NECAB1: variants seen among roughly 807,000 people sequenced by gnomAD.
NECAB1 encodes N-terminal EF-hand calcium-binding protein 1.
NECAB1 carries 29 observed loss-of-function variants against 57.5 expected under a neutral mutation model. The observed-to-expected ratio is 0.50, with a 90% CI of 0.38 to 0.69. The LOEUF (loss-of-function observed/expected upper bound fraction) is 0.69. Ranked by LOEUF, NECAB1 falls within the 30% of genes least tolerant of loss-of-function variation. The probability of loss-of-function intolerance (pLI) is 0.00; values close to 1 mark genes in which losing one functional copy is unlikely to be tolerated. For synonymous variants in NECAB1, 142 were observed against 147.7 expected (o/e 0.96, Z 0.28); for missense variants, 372 against 413.8 (o/e 0.90, Z 0.88).
At chr8:90,804,485 A>C (rs7825241) in intron 2 of NECAB1, among the ~76,000 whole-genome samples, 11,151 of 150,954 alleles carry the variant, frequency 0.074, 1,340 homozygotes, top group African/African-American at 0.25. Flanking sequence ...AGTTCTGTAC[A>C]TTTTAGTACC....
At chr8:90,925,698 T>A (rs980684290) in intron 7 of NECAB1, 42 bp downstream of exon 7, 8 of 1,607,302 alleles carry the variant, frequency 5.0e-6, no homozygotes, top group Non-Finnish European at 6.8e-6. Flanking sequence ...AAAGTCTATT[T>A]ATCTTGCGTT....
intron 4 of NECAB1, among the ~76,000 whole-genome samples, chr8:90,879,053 ATATATATCTTATATATAATATATAT>A (rs1463549211): frequency 7.0e-6 from 1 of 142,194 alleles, no homozygotes; most frequent in East Asian, 2.0e-4. Context: ...TATTTATATA[ATATATATCTTATATATAATATATAT>A]TATATATATT....
intron 1 of NECAB1, among the ~76,000 whole-genome samples, chr8:90,794,784 T>A (rs1292412800): frequency 3.3e-5 from 5 of 152,208 alleles, no homozygotes; most frequent in Non-Finnish European, 7.3e-5. Flanking sequence ...GTTATTTCAG[T>A]GCTGCACACT....
At chr8:90,925,092 A>G (rs2339289) in intron 6 of NECAB1, among the ~76,000 whole-genome samples, 44,587 of 151,860 alleles carry the variant, frequency 0.29, 7,247 homozygotes, top group East Asian at 0.61. Context: ...TGGGGGTGAA[A>G]CGAGGGAGCT....
chr8:90,925,417 A>T, intron 6 of NECAB1, 118 bp from the exon 7 acceptor site: 1 of 1,143,832 alleles, frequency 8.7e-7, no homozygotes, highest in South Asian at 1.6e-5. Flanking sequence ...AGTCATTCTC[A>T]TAAGTTTTCA....
chr8:90,878,031 A>G (rs555514152), intron 4 of NECAB1, among the ~76,000 whole-genome samples: 1 of 149,326 alleles, frequency 6.7e-6, no homozygotes, highest in East Asian at 2.0e-4. Flanking sequence ...AGACTTGGGC[A>G]TTCTTTTTCT....
chr8:90,803,729 A>G (rs1811799395), intron 2 of NECAB1, among the ~76,000 whole-genome samples: 1 of 151,840 alleles, frequency 6.6e-6, no homozygotes, highest in Non-Finnish European at 1.5e-5. Context: ...AATCTTCCTC[A>G]TGTATCCTCC....
intron 3 of NECAB1, among the ~76,000 whole-genome samples, chr8:90,862,905 G>A (rs1052756130): frequency 2.7e-5 from 4 of 150,422 alleles, no homozygotes; most frequent in African/African-American, 9.8e-5. Context: ...CAAGTGTTTT[G>A]TTCCCACACA....
chr8:90,797,403 G>A (rs550211513), intron 1 of NECAB1, among the ~76,000 whole-genome samples: 5 of 152,158 alleles, frequency 3.3e-5, no homozygotes, highest in Non-Finnish European at 5.9e-5. Context: ...CCTCATTTCC[G>A]TGAAGTTGGC....
intron 9 of NECAB1, 53 bp downstream of exon 9, chr8:90,934,410 AT>A: frequency 8.4e-7 from 1 of 1,189,522 alleles, no homozygotes; most frequent in South Asian, 1.7e-5. Flanking sequence ...TAAAAACATA[AT>A]TTAATTTCTT....
At chr8:90,858,606 A>G (rs888648393) in intron 3 of NECAB1, among the ~76,000 whole-genome samples, 4 of 151,178 alleles carry the variant, frequency 2.6e-5, no homozygotes, top group African/African-American at 9.9e-5. Flanking sequence ...TACAAGAAAA[A>G]AAAATTCACA....
In NECAB1 at chr8:90,959,140, G is replaced by C. The variant is rs1229670103; in HGVS notation, c.*3628G>C. 3 of 509,034 alleles carry C rather than the reference G, an allele frequency of 5.9e-6. No individual in the cohort carries two copies. Among genetic ancestry groups the C allele is most frequent in the Non-Finnish European group, 1.0e-5 (3 of 295,022 alleles). The allele number at this position is 509,034 out of a possible 1,614,324, so 31.5% of individuals were successfully genotyped here. ...GTACCAGGTGTTTACAGATTTAAATGCATGTTACCATAGAAACTATTAAAG... is the reference window on the plus strand; with the variant it reads ...GTACCAGGTGTTTACAGATTTAAATCCATGTTACCATAGAAACTATTAAAG... On this transcript the variant is annotated 3_prime_UTR_variant, in exon 13 of 13. Transcript: ENST00000417640.
intron 10 of NECAB1, among the ~76,000 whole-genome samples, chr8:90,949,003 C>G (rs16893493): frequency 6.6e-6 from 1 of 152,112 alleles, no homozygotes; most frequent in South Asian, 2.1e-4. Flanking sequence ...CTTTTTCCTC[C>G]TTCGGGCTAG....
At chr8:90,822,955 T>A (rs1465976038) in intron 2 of NECAB1, among the ~76,000 whole-genome samples, 1 of 151,696 alleles carries the variant, frequency 6.6e-6, no homozygotes, top group Non-Finnish European at 1.5e-5. Flanking sequence ...AACCTGGCAA[T>A]ACATTTTTCA....
intron 7 of NECAB1, 131 bp from the exon 8 acceptor site, chr8:90,928,092 A>G (rs1323961419): frequency 4.3e-6 from 3 of 690,572 alleles, no homozygotes; most frequent in Non-Finnish European, 7.4e-6. Context: ...TCGTGAATAC[A>G]TTTTAAAAAA....
intron 5 of NECAB1, among the ~76,000 whole-genome samples, chr8:90,907,094 G>T (rs890681539): frequency 6.7e-6 from 1 of 148,948 alleles, no homozygotes; most frequent in East Asian, 2.0e-4. Context: ...AAATTTGAGG[G>T]TCTTTACTTC....
At chr8:90,819,884 C>T (rs1812117415) in intron 2 of NECAB1, among the ~76,000 whole-genome samples, 1 of 151,696 alleles carries the variant, frequency 6.6e-6, no homozygotes, top group African/African-American at 2.4e-5. Flanking sequence ...GGGTATATTT[C>T]TTGATAACTC....
intron 8 of NECAB1, among the ~76,000 whole-genome samples, chr8:90,930,834 C>T (rs1810386186): frequency 6.6e-6 from 1 of 152,130 alleles, no homozygotes; most frequent in African/African-American, 2.4e-5. Flanking sequence ...AGATCAAATC[C>T]AGGACCTCTA....
At chr8:90,925,934 T>G (rs980290605) in intron 7 of NECAB1, among the ~76,000 whole-genome samples, 1 of 152,126 alleles carries the variant, frequency 6.6e-6, no homozygotes, top group African/African-American at 2.4e-5. Flanking sequence ...TCTAAAAGAC[T>G]TGACGTCTAT....
Sources: allele counts gnomAD v4.1 joint callset (sites outside exome capture counted in the v4.1 genomes callset), GRCh38; gene constraint gnomAD v4.1.1; transcripts MANE v1.5; gene names NCBI Gene and HGNC (gene_info 2026-07-23, HGNC 2026-07-21).